Variants in AAK1 observed in about 807,000 individuals in gnomAD.
AAK1 encodes the protein AP2 associated kinase 1, also known as AP2-associated protein kinase 1.
In AAK1, 37 loss-of-function variants were observed where a neutral mutation model predicts 116.0. The observed-to-expected ratio is 0.32, with a 90% CI of 0.25 to 0.42. The LOEUF (loss-of-function observed/expected upper bound fraction) is 0.42. Among genes scored for constraint, AAK1 ranks in the 10% least tolerant of loss-of-function variants. The pLI, the probability that AAK1 is intolerant of heterozygous loss-of-function variation, is 1.00. For synonymous variants in AAK1, 458 were observed against 439.9 expected (o/e 1.04, Z -0.51); for missense variants, 919 against 1,170.6 (o/e 0.79, Z 3.14).
intron 2 of AAK1, among the ~76,000 whole-genome samples, chr2:69,617,958 T>C (rs1319445167): frequency 6.6e-6 from 1 of 152,196 alleles, no homozygotes; most frequent in Non-Finnish European, 1.5e-5. Context: ...TTCAGGGAAG[T>C]GGTCCTTCAT....
chr2:69,468,702 G>T lies in AAK1; in HGVS notation c.*7167C>A, dbSNP rs144046953. On this transcript the variant is annotated 3_prime_UTR_variant, in exon 22 of 22. Coordinates refer to ENST00000409085, the MANE Select transcript of AAK1 (RefSeq NM_014911.5). ...GTGCACAGAGACTGGCAAAAAAGCA[G>T]CTATCTATTGAACCAGGGGCACTTT... 97 of 985,408 alleles carry T rather than the reference G, an allele frequency of 9.8e-5. 1 individual carries two copies. In the East Asian group the frequency reaches 8.1e-3, roughly 82 times the overall value. 61.0% of individuals were successfully genotyped at this position (985,408 alleles called of 1,614,324 possible).
At chr2:69,590,911 A>T (rs1051078822) in intron 2 of AAK1, among the ~76,000 whole-genome samples, 2 of 152,230 alleles carry the variant, frequency 1.3e-5, no homozygotes, top group Non-Finnish European at 2.9e-5. Context: ...TTGGAGCGAT[A>T]AGGCATGAGA....
intron 15 of AAK1, among the ~76,000 whole-genome samples, chr2:69,506,842 A>G (rs1676202996): frequency 6.8e-6 from 1 of 147,414 alleles, no homozygotes; most frequent in South Asian, 2.2e-4. Context: ...GCATATTAGA[A>G]TTTGTTCCAA....
At chr2:69,593,445 T>C (rs1673123143) in intron 2 of AAK1, among the ~76,000 whole-genome samples, 1 of 151,892 alleles carries the variant, frequency 6.6e-6, no homozygotes, top group African/African-American at 2.4e-5. Flanking sequence ...TTTTTTTAAA[T>C]AAAAAAGCAG....
At chr2:69,490,289 C>T (rs903703043) in intron 17 of AAK1, among the ~76,000 whole-genome samples, 6 of 152,128 alleles carry the variant, frequency 3.9e-5, no homozygotes, top group Non-Finnish European at 7.3e-5. Flanking sequence ...GCATATGATC[C>T]AGCAATTCCA....
At chr2:69,509,972 G>A (rs536491577) in intron 13 of AAK1, among the ~76,000 whole-genome samples, 3 of 152,308 alleles carry the variant, frequency 2.0e-5, no homozygotes, top group African/African-American at 7.2e-5. Flanking sequence ...CTGCCATAGC[G>A]AGACCACAGG....
chr2:69,500,698 T>TATATATATATATAC, intron 16 of AAK1, among the ~76,000 whole-genome samples: 252 of 65,016 alleles, frequency 3.9e-3, no homozygotes, highest in East Asian at 0.011. Flanking sequence ...TATATATATA[T>TATATATATATATAC]ACACACACAC....
At chr2:69,490,727 T>C (rs1675489070) in intron 17 of AAK1, among the ~76,000 whole-genome samples, 1 of 151,894 alleles carries the variant, frequency 6.6e-6, no homozygotes, top group Non-Finnish European at 1.5e-5. Context: ...AAAAGGTGGG[T>C]GGATGGATGG....
intron 2 of AAK1, among the ~76,000 whole-genome samples, chr2:69,602,748 CT>C (rs1673633666): frequency 6.6e-6 from 1 of 152,070 alleles, no homozygotes; most frequent in Non-Finnish European, 1.5e-5. Context: ...GACTTCAGAG[CT>C]GTGCAGATCT....
Position 69,468,052 on chromosome 2 carries a change from C to T in AAK1, c.*7817G>A, listed in dbSNP as rs116332535. On this transcript the variant is annotated 3_prime_UTR_variant, in exon 22 of 22. Transcript: ENST00000409085. ...GCGTTCAGTGAATTCCAGATTGGGGCGTTAAGTTAAATTCTGTACTGGTGC... is the reference window on the plus strand; with the variant it reads ...GCGTTCAGTGAATTCCAGATTGGGGTGTTAAGTTAAATTCTGTACTGGTGC... 19,742 of 985,190 alleles carry T rather than the reference C, an allele frequency of 0.02. 229 individuals are homozygous for T. Among genetic ancestry groups the T allele is most frequent in the Middle Eastern group, 0.051 (97 of 1,912 alleles). The allele number at this position is 985,190 out of a possible 1,614,324, so 61.0% of individuals were successfully genotyped here.
chr2:69,562,423 G>C (rs915874317), intron 2 of AAK1, among the ~76,000 whole-genome samples: 1 of 152,186 alleles, frequency 6.6e-6, no homozygotes. Context: ...TGAAATTACT[G>C]AGATAACTTG....
intron 10 of AAK1, 38 bp from the exon 11 acceptor site, chr2:69,521,026 G>A (rs1436267336): frequency 6.2e-7 from 1 of 1,609,860 alleles, no homozygotes; most frequent in Non-Finnish European, 8.5e-7. Flanking sequence ...ATTAAAGTAT[G>A]GGAAAAATGG....
At chr2:69,638,183 C>A (rs573335436) in intron 2 of AAK1, among the ~76,000 whole-genome samples, 21 of 152,316 alleles carry the variant, frequency 1.4e-4, no homozygotes, top group South Asian at 4.1e-4. Flanking sequence ...AAGAGAAGGT[C>A]TCAGGTGCTT....
intron 2 of AAK1, among the ~76,000 whole-genome samples, chr2:69,564,409 A>G (rs781729822): frequency 2.2e-4 from 33 of 151,820 alleles, no homozygotes; most frequent in Non-Finnish European, 4.7e-4. Context: ...AATTTTGGAG[A>G]AAGGCTAGAA....
At chr2:69,602,856 C>T (rs77631831) in intron 2 of AAK1, among the ~76,000 whole-genome samples, 4,264 of 152,234 alleles carry the variant, frequency 0.028, 207 homozygotes, top group African/African-American at 0.097. Context: ...AAATATGAAA[C>T]GCTTCCTCAT....
intron 2 of AAK1, among the ~76,000 whole-genome samples, chr2:69,582,886 G>C (rs941657194): frequency 3.9e-5 from 6 of 152,198 alleles, no homozygotes; most frequent in Non-Finnish European, 8.8e-5. Flanking sequence ...GTTGCTGGAA[G>C]TTAAGACACC....
At chr2:69,587,172 C>T (rs532715163) in intron 2 of AAK1, among the ~76,000 whole-genome samples, 115 of 151,538 alleles carry the variant, frequency 7.6e-4, no homozygotes, top group Admixed American at 1.6e-3. Flanking sequence ...GCAGCCTCGA[C>T]CTCCTGGGCT....
At chr2:69,560,963 T>G (rs1399196133) in intron 2 of AAK1, among the ~76,000 whole-genome samples, 1 of 152,064 alleles carries the variant, frequency 6.6e-6, no homozygotes, top group Non-Finnish European at 1.5e-5. Context: ...ATGGCCACCA[T>G]GCAACTCCAG....
intron 17 of AAK1, among the ~76,000 whole-genome samples, chr2:69,488,016 C>T (rs1351841182): frequency 6.6e-6 from 1 of 152,004 alleles, no homozygotes; most frequent in African/African-American, 2.4e-5. Context: ...GTCTCAAACT[C>T]CTGACCTCAG....
Sources: gnomAD v4.1 joint callset for allele counts (sites outside exome capture counted in the v4.1 genomes callset) on GRCh38, gnomAD v4.1.1 for gene constraint, MANE v1.5 for transcripts, NCBI Gene and HGNC (gene_info 2026-07-23, HGNC 2026-07-21) for gene names.